The following COL5A2 variants were observed in gnomAD, a reference collection of about 807,000 sequenced individuals.
COL5A2 encodes the protein collagen alpha-2(V) chain.
A neutral mutation model predicts 208.2 loss-of-function variants in COL5A2; 23 were observed. That is an observed-to-expected ratio of 0.11 (90% CI 0.08 to 0.16). The LOEUF is 0.16. COL5A2 is among the 10% of genes least tolerant of loss of function. The pLI is 1.00. For missense variants in COL5A2, 1,590 were observed against 1,956.4 expected (o/e 0.81, Z 3.53); for synonymous variants, 625 against 628.5 (o/e 0.99, Z 0.08).
the COL5A2 span, among the ~76,000 whole-genome samples, chr2:189,264,482 TA>T: frequency 5.5e-4 from 84 of 152,230 alleles, 1 homozygote; most frequent in Non-Finnish European, 8.4e-4. Flanking sequence ...ATATTTGTAG[TA>T]AACTCAAAAA....
rs139776759 is a variant in COL5A2, at chr2:189,077,333, A to T, written c.1059+1183T>A. On this transcript the variant is annotated intron_variant, in intron 16 of 53. Coordinates refer to ENST00000374866, the MANE Select transcript of COL5A2 (RefSeq NM_000393.5). ...CGGGTAGAGGCGGGATCTGAGAAAG[A>T]ATGTATGGGTCTTGGTCCTGAAGAT... is the stretch of plus-strand genomic sequence containing the variant. Among the ~76,000 whole-genome samples, 1,371 of 152,326 alleles carry T rather than the reference A, an allele frequency of 9.0e-3. 13 individuals are homozygous for T. Among genetic ancestry groups the T allele is most frequent in the Non-Finnish European group, 0.014 (983 of 68,038 alleles).
chr2:189,272,324 T>C, the COL5A2 span, among the ~76,000 whole-genome samples: 6 of 152,048 alleles, frequency 3.9e-5, no homozygotes, highest in African/African-American at 9.7e-5. Flanking sequence ...AAGAATACTA[T>C]GCAGCCATAA....
chr2:189,052,301 T>TC, intron 40 of COL5A2, 76 bp from the exon 41 acceptor site: 1 of 1,383,662 alleles, frequency 7.2e-7, no homozygotes, highest in Non-Finnish European at 1.0e-6. Context: ...GGATTTTTTT[T>TC]CACAGGAAGA....
chr2:189,317,103 A>G, the COL5A2 span, among the ~76,000 whole-genome samples: 3 of 152,072 alleles, frequency 2.0e-5, no homozygotes, highest in Non-Finnish European at 4.4e-5. Flanking sequence ...AGCCAAAGGT[A>G]TATTATTTTT....
intron 1 of COL5A2, among the ~76,000 whole-genome samples, chr2:189,167,503 C>T (rs971346009): frequency 6.6e-6 from 1 of 152,078 alleles, no homozygotes; most frequent in Non-Finnish European, 1.5e-5. Context: ...AATGAGAACT[C>T]CATTGGTTTA....
At chr2:189,167,993 A>G (rs1004169465) in intron 1 of COL5A2, among the ~76,000 whole-genome samples, 2 of 146,058 alleles carry the variant, frequency 1.4e-5, no homozygotes, top group Non-Finnish European at 3.0e-5. Context: ...GCTGGAGTGC[A>G]GTGGCGCCAT....
intron 1 of COL5A2, among the ~76,000 whole-genome samples, chr2:189,152,546 T>G (rs1252877961): frequency 6.6e-6 from 1 of 152,162 alleles, no homozygotes; most frequent in East Asian, 1.9e-4. Flanking sequence ...GGTGTCCAGG[T>G]GTGGAATGAG....
At chr2:189,301,186 C>CA in the COL5A2 span, among the ~76,000 whole-genome samples, 4,435 of 146,020 alleles carry the variant, frequency 0.03, 235 homozygotes, top group African/African-American at 0.11. Context: ...AACCCTGTCT[C>CA]AAAAAAAAAA....
chr2:189,409,800 C>G, the COL5A2 span, among the ~76,000 whole-genome samples: 20 of 152,128 alleles, frequency 1.3e-4, no homozygotes, highest in Non-Finnish European at 2.6e-4. Context: ...TATGAAATCA[C>G]TCAAGCAGAC....
chr2:189,075,486 T>A, intron 16 of COL5A2, 49 bp from the exon 17 acceptor site: 1 of 1,452,434 alleles, frequency 6.9e-7, no homozygotes, highest in African/African-American at 1.4e-5. Flanking sequence ...CATTTTAGAC[T>A]ATATTTTCTC....
chr2:189,035,148 T>A lies in COL5A2; in HGVS notation c.4121A>T (p.Tyr1374Phe). The A allele has an allele frequency of 6.2e-7, 1 of 1,613,870 alleles. No individual in the cohort carries two copies. Among genetic ancestry groups the A allele is most frequent in the Non-Finnish European group, 8.5e-7 (1 of 1,179,852 alleles). Residue 1374 changes from tyrosine to phenylalanine, a missense_variant, in exon 53 of 54, where the codon TAT becomes TTT. Physicochemically the swap from Tyr to Phe is conservative, Grantham distance 22 (BLOSUM62 3). Transcript: ENST00000374866. The stretch of plus-strand genomic sequence containing the variant: ...TGTATTAGGTGATTGGTGGTCTCCA[T>A]AAGCGAACTAGAAAAACAAAGAGTC... ...LDMNRGSQFA[Y>F]GDHQSPNTAI... is the part of the protein sequence containing the mutation.
the COL5A2 span, among the ~76,000 whole-genome samples, chr2:189,288,193 A>T: frequency 6.6e-6 from 1 of 152,218 alleles, no homozygotes; most frequent in South Asian, 2.1e-4. Flanking sequence ...CTAGATCCTG[A>T]TTTCAGCATG....
rs754682578 is a variant in COL5A2, at chr2:189,092,281, C to T, written c.567+29G>A. 6.9e-6 allele frequency: 9 copies of T among 1,304,114 alleles called. No individual in the cohort carries two copies. The East Asian group carries it at 7.1e-5, about 10-fold the overall frequency. 80.8% of individuals were successfully genotyped at this position (1,304,114 alleles called of 1,614,324 possible). On this transcript the variant is annotated intron_variant, in intron 7 of 53. Transcript: ENST00000374866. Reference sequence around the variant, plus strand: ...TCAATAATTTAAAACATGACCTGTACGTGACATCAAACAATGCACACAACT... The same window carrying T: ...TCAATAATTTAAAACATGACCTGTATGTGACATCAAACAATGCACACAACT...
At chr2:189,080,758 A>G (rs1686514938) in intron 13 of COL5A2, among the ~76,000 whole-genome samples, 1 of 152,168 alleles carries the variant, frequency 6.6e-6, no homozygotes, top group African/African-American at 2.4e-5. Context: ...CTTTTGTAGC[A>G]TAGTGTCCAG....
the COL5A2 span, among the ~76,000 whole-genome samples, chr2:189,415,611 T>C: frequency 1.3e-5 from 2 of 152,212 alleles, no homozygotes; most frequent in Non-Finnish European, 2.9e-5. Flanking sequence ...GCTATGTTGT[T>C]GAATCATAAC....
Position 189,074,218 on chromosome 2 carries a change from T to G in COL5A2, c.1104+1175A>C, listed in dbSNP as rs139769320. 4.6e-5 allele frequency among the ~76,000 whole-genome samples: 7 copies of G among 152,240 alleles called. No individual in the cohort carries two copies. In the East Asian group the frequency reaches 1.3e-3, roughly 29 times the overall value. On this transcript the variant is annotated intron_variant, in intron 17 of 53. Coordinates refer to ENST00000374866, the MANE Select transcript of COL5A2 (RefSeq NM_000393.5). The stretch of plus-strand genomic sequence containing the variant: ...TCATAAAGTTCCTATGTTTAAAATC[T>G]CTGAATGATCTCACACTAATTATTA...
intron 16 of COL5A2, among the ~76,000 whole-genome samples, chr2:189,077,265 T>A (rs933849790): frequency 6.6e-6 from 1 of 152,092 alleles, no homozygotes; most frequent in Non-Finnish European, 1.5e-5. Flanking sequence ...CCTGATTTTT[T>A]AAAAAGATAT....
Position 189,100,449 on chromosome 2 carries a change from T to C in COL5A2, c.337-310A>G, listed in dbSNP as rs72906375. On this transcript the variant is annotated intron_variant, in intron 3 of 53. Transcript: ENST00000374866. Reference sequence around the variant, plus strand: ...GCACAAAATAGTTGCAACAAAAAGATGTAAAGACAAAGCACCAGAGGAAAA... The same window carrying C: ...GCACAAAATAGTTGCAACAAAAAGACGTAAAGACAAAGCACCAGAGGAAAA... Among the ~76,000 whole-genome samples the C allele has an allele frequency of 0.13, 20,169 of 151,666 alleles. 1,366 individuals are homozygous for C. Among genetic ancestry groups the C allele is most frequent in the Middle Eastern group, 0.19 (56 of 294 alleles).
At chr2:189,274,022 T>C in the COL5A2 span, among the ~76,000 whole-genome samples, 3 of 151,470 alleles carry the variant, frequency 2.0e-5, no homozygotes, top group African/African-American at 7.3e-5. Context: ...AAAAAAATGA[T>C]AAGAATGTGA....
Sources: allele counts gnomAD v4.1 joint callset (sites outside exome capture counted in the v4.1 genomes callset), GRCh38; gene constraint gnomAD v4.1.1; transcripts MANE v1.5; gene names NCBI Gene and HGNC (gene_info 2026-07-23, HGNC 2026-07-21).